CCDC148: variants seen among roughly 807,000 people sequenced by gnomAD.
CCDC148 encodes the protein coiled-coil domain containing 148, also known as coiled-coil domain-containing protein 148.
In CCDC148, 89 loss-of-function variants were observed where a neutral mutation model predicts 85.7. The observed-to-expected ratio is 1.04, with a 90% CI of 0.87 to 1.24. CCDC148 has a LOEUF of 1.24. Ranked by LOEUF, CCDC148 falls within the 50% of genes most tolerant of loss-of-function variation. CCDC148 has a pLI of 0.00. For synonymous variants in CCDC148, 230 were observed against 213.9 expected (o/e 1.08, Z -0.66); for missense variants, 692 against 671.7 (o/e 1.03, Z -0.33).
At chr2:158,229,577 T>C (rs1687749622) in intron 10 of CCDC148, among the ~76,000 whole-genome samples, 1 of 152,206 alleles carries the variant, frequency 6.6e-6, no homozygotes, top group Non-Finnish European at 1.5e-5. Flanking sequence ...CCATACCTGC[T>C]GCTATTTCCT....
intron 8 of CCDC148, among the ~76,000 whole-genome samples, chr2:158,310,459 C>T (rs968169400): frequency 2.6e-5 from 4 of 152,116 alleles, no homozygotes; most frequent in African/African-American, 9.7e-5. Flanking sequence ...GACAGGGTGG[C>T]GGCCGGGCAG....
At chr2:158,250,096 T>C (rs1011277239) in intron 10 of CCDC148, among the ~76,000 whole-genome samples, 3 of 152,102 alleles carry the variant, frequency 2.0e-5, no homozygotes, top group African/African-American at 7.2e-5. Flanking sequence ...GCAAATTTCA[T>C]AATTTTTGTG....
In CCDC148 at chr2:158,171,078, T is replaced by G. The variant is rs1198492828; in HGVS notation, c.*1035A>C. The stretch of plus-strand genomic sequence containing the variant: ...TAAAGATATTGCCCATAGAATCTTT[T>G]GTGAAGATTTATTCTAACGGGACTG... On this transcript the variant is annotated 3_prime_UTR_variant, in exon 14 of 14. Coordinates refer to ENST00000283233, the MANE Select transcript of CCDC148 (RefSeq NM_138803.4). 2 of 152,044 alleles carry G rather than the reference T, an allele frequency of 1.3e-5. No homozygotes were observed. The highest frequency in any genetic ancestry group is 2.9e-5 in the Non-Finnish European group (2 of 67,982). The allele number at this position is 152,044 out of a possible 1,614,324, so 9.4% of individuals were successfully genotyped here.
intron 7 of CCDC148, among the ~76,000 whole-genome samples, chr2:158,319,241 C>T (rs1054856417): frequency 6.6e-6 from 1 of 152,198 alleles, no homozygotes; most frequent in African/African-American, 2.4e-5. Flanking sequence ...TCTCCTCCAT[C>T]CACACTTGGC....
chr2:158,210,254 A>G (rs1686489232), intron 11 of CCDC148, among the ~76,000 whole-genome samples: 1 of 152,202 alleles, frequency 6.6e-6, no homozygotes, highest in African/African-American at 2.4e-5. Context: ...AGCAACAAGA[A>G]GAGCGAGCTA....
Position 158,391,020 on chromosome 2 carries a change from C to T in CCDC148, c.26-32450G>A, listed in dbSNP as rs181634171. Among the ~76,000 whole-genome samples, 86 of 152,224 alleles carry T rather than the reference C, an allele frequency of 5.6e-4. 1 individual carries two copies. The highest frequency in any genetic ancestry group is 8.8e-5 in the Non-Finnish European group (6 of 68,016). ...CAAAGGTGTAATACATGGCTGGTGC[C>T]AGGGGTGAACATACACATACTTCAT... is the stretch of plus-strand genomic sequence containing the variant. On this transcript the variant is annotated intron_variant, in intron 1 of 13. Transcript: ENST00000283233.
chr2:158,335,809 C>T (rs1273656310), intron 7 of CCDC148, among the ~76,000 whole-genome samples: 3 of 152,192 alleles, frequency 2.0e-5, no homozygotes, highest in Admixed American at 6.6e-5. Flanking sequence ...GAGGATTAGA[C>T]CTCCCTTAGC....
intron 9 of CCDC148, among the ~76,000 whole-genome samples, chr2:158,282,549 T>C (rs1690377502): frequency 6.6e-6 from 1 of 151,902 alleles, no homozygotes; most frequent in Non-Finnish European, 1.5e-5. Flanking sequence ...GAGAATAAAA[T>C]ACCTAGGAAT....
intron 1 of CCDC148, among the ~76,000 whole-genome samples, chr2:158,390,481 T>C (rs1348674936): frequency 1.3e-5 from 2 of 152,152 alleles, no homozygotes; most frequent in Non-Finnish European, 2.9e-5. Flanking sequence ...AAATTAACTG[T>C]TGCAGCAGAA....
chr2:158,322,226 C>T lies in CCDC148; in HGVS notation c.765-8332G>A, dbSNP rs149722813. The stretch of plus-strand genomic sequence containing the variant: ...AATTGTCTATTCCAAGTTTTTAAAA[C>T]AATTATCAAAATGTGGTAAAAATAA... On this transcript the variant is annotated intron_variant, in intron 7 of 13. Coordinates refer to ENST00000283233, the MANE Select transcript of CCDC148 (RefSeq NM_138803.4). Among the ~76,000 whole-genome samples the T allele has an allele frequency of 1.0e-2, 1,517 of 151,984 alleles. 9 individuals are homozygous for T. Among genetic ancestry groups the T allele is most frequent in the Middle Eastern group, 0.082 (24 of 292 alleles).
intron 10 of CCDC148, among the ~76,000 whole-genome samples, chr2:158,241,043 AAGG>A (rs995391502): frequency 2.0e-5 from 3 of 152,156 alleles, no homozygotes; most frequent in Non-Finnish European, 4.4e-5. Flanking sequence ...CAGGAAATAA[AAGG>A]AGGTCTAGGC....
chr2:158,441,808 C>A (rs1687944243), intron 1 of CCDC148, among the ~76,000 whole-genome samples: 1 of 152,088 alleles, frequency 6.6e-6, no homozygotes, highest in Non-Finnish European at 1.5e-5. Context: ...ATATTAATAT[C>A]TTCCATGTTC....
chr2:158,295,527 T>C (rs1161345498), intron 9 of CCDC148, among the ~76,000 whole-genome samples: 1 of 147,796 alleles, frequency 6.8e-6, no homozygotes, highest in East Asian at 2.0e-4. Context: ...TTATCCACCA[T>C]GATCAAGTGG....
intron 10 of CCDC148, among the ~76,000 whole-genome samples, chr2:158,230,881 C>T (rs1687824096): frequency 1.3e-5 from 2 of 152,036 alleles, no homozygotes; most frequent in African/African-American, 2.4e-5. Context: ...GTGAAGATTG[C>T]AGGAAAGACT....
In CCDC148 at chr2:158,220,677, G is replaced by T; in HGVS notation, c.1288C>A (p.Gln430Lys). Residue 430 changes from glutamine (Q) to lysine (K), a missense_variant, in exon 11 of 14, where the codon CAA (glutamine) becomes AAA (lysine). Gln to Lys is a moderately conservative substitution (Grantham distance 53). Coordinates refer to ENST00000283233, the MANE Select transcript of CCDC148 (RefSeq NM_138803.4). The stretch of plus-strand genomic sequence containing the variant: ...TGAAGATCTCTCATTTCCATTTCTT[G>T]CCACTTCTGTTTTTTCTTGGCCCAG... ...KYWAKKKQKWQEMEMRDLQRL... is the reference protein window; with the variant it reads ...KYWAKKKQKWKEMEMRDLQRL... 5 of 1,584,674 alleles carry T rather than the reference G, an allele frequency of 3.2e-6. No individual in the cohort carries two copies. Among genetic ancestry groups the T allele is most frequent in the East Asian group, 4.6e-5 (2 of 43,472 alleles).
chr2:158,379,736 T>C (rs1178330948), intron 1 of CCDC148, among the ~76,000 whole-genome samples: 1 of 152,162 alleles, frequency 6.6e-6, no homozygotes, highest in South Asian at 2.1e-4. Flanking sequence ...GAGATGAGCA[T>C]TGGCATTTTT....
chr2:158,373,431 T>G (rs16842905), intron 1 of CCDC148, among the ~76,000 whole-genome samples: 3,576 of 152,120 alleles, frequency 0.024, 54 homozygotes, highest in South Asian at 0.052. Flanking sequence ...CTTTGATATC[T>G]CTCTCATTTG....
At chr2:158,210,787 C>A (rs921530584) in intron 11 of CCDC148, among the ~76,000 whole-genome samples, 513 of 89,276 alleles carry the variant, frequency 5.7e-3, no homozygotes, top group South Asian at 6.9e-3. Context: ...ACTAAAAATA[C>A]AAAAAAAAAA....
intron 1 of CCDC148, among the ~76,000 whole-genome samples, chr2:158,430,504 G>A (rs762641677): frequency 7.2e-5 from 11 of 152,104 alleles, no homozygotes; most frequent in Non-Finnish European, 1.2e-4. Context: ...AAATAGTGAT[G>A]GGTACAAATA....
Sources: gnomAD v4.1 joint callset for allele counts (sites outside exome capture counted in the v4.1 genomes callset) on GRCh38, gnomAD v4.1.1 for gene constraint, MANE v1.5 for transcripts, NCBI Gene and HGNC (gene_info 2026-07-23, HGNC 2026-07-21) for gene names.